Variants in ARHGEF3 observed in about 807,000 individuals in gnomAD.
ARHGEF3 encodes 59.8 kDA protein.
In ARHGEF3, 28 loss-of-function variants were observed where a neutral mutation model predicts 63.2. That is an observed-to-expected ratio of 0.44 (90% confidence interval 0.33 to 0.61). The LOEUF is 0.61. Ranked by LOEUF, ARHGEF3 falls within the 20% of genes least tolerant of loss-of-function variation. The probability of loss-of-function intolerance (pLI) is 0.03; values close to 1 mark genes in which losing one functional copy is unlikely to be tolerated. For synonymous variants in ARHGEF3, 266 were observed against 254.2 expected (o/e 1.05, Z -0.44); for missense variants, 533 against 659.3 (o/e 0.81, Z 2.10).
chr3:56,950,765 C>A (rs199781579), intron 3 of ARHGEF3, among the ~76,000 whole-genome samples: 17,572 of 151,954 alleles, frequency 0.12, 1,302 homozygotes, highest in East Asian at 0.25. Flanking sequence ...TTGACCCAGC[C>A]ATCCCATTAC....
At chr3:56,919,982 A>G (rs887991357) in intron 3 of ARHGEF3, among the ~76,000 whole-genome samples, 1 of 152,212 alleles carries the variant, frequency 6.6e-6, no homozygotes, top group African/African-American at 2.4e-5. Flanking sequence ...AATCTGACAT[A>G]TTAGAGCACA....
intron 4 of ARHGEF3, among the ~76,000 whole-genome samples, chr3:56,870,410 T>C (rs993493113): frequency 6.6e-6 from 1 of 152,142 alleles, no homozygotes; most frequent in African/African-American, 2.4e-5. Context: ...TATGGCATTC[T>C]GAAAAAGGCA....
chr3:56,794,255 A>AG (rs918705917), intron 1 of ARHGEF3, among the ~76,000 whole-genome samples: 8 of 152,154 alleles, frequency 5.3e-5, no homozygotes, highest in African/African-American at 1.7e-4. Context: ...TGGGAGGCCG[A>AG]GGGGGGTGGA....
At chr3:56,743,119 T>A (rs1033683532) in intron 7 of ARHGEF3, among the ~76,000 whole-genome samples, 2 of 152,112 alleles carry the variant, frequency 1.3e-5, no homozygotes, top group South Asian at 2.1e-4. Flanking sequence ...TTCCCAGTAA[T>A]AAAAACAGAC....
At position 56,732,284 on chromosome 3, in the gene ARHGEF3, C is replaced by G. The variant is rs766580490; in HGVS notation, c.1182G>C (p.Val394=). ...LLLEDLQDGE[V]RLGGSLRGAF... ...CCCCTCGCAGGGAGCCACCCAGCCT[C>G]ACTTCTCCATCCTGGAGGTCTTCCA... Residue 394 remains valine, a synonymous_variant, in exon 9 of 10, where the codon GTG becomes GTC. Coordinates refer to ENST00000296315, the MANE Select transcript of ARHGEF3 (RefSeq NM_019555.3). The G allele has an allele frequency of 1.2e-6, 2 of 1,614,056 alleles. No individual in the cohort carries two copies. Among genetic ancestry groups the G allele is most frequent in the East Asian group, 4.5e-5 (2 of 44,880 alleles).
intron 1 of ARHGEF3, chr3:57,078,937 A>C: frequency 1.0e-5 from 3 of 291,848 alleles, no homozygotes; most frequent in East Asian, 5.4e-5. Context: ...AGCGACGGCT[A>C]GTCGAGGCTG....
At chr3:56,739,789 T>C (rs1312394692) in intron 7 of ARHGEF3, among the ~76,000 whole-genome samples, 1 of 152,230 alleles carries the variant, frequency 6.6e-6, no homozygotes, top group Non-Finnish European at 1.5e-5. Flanking sequence ...ACTTTTGTAC[T>C]TCCACACAAG....
rs1181900771 is a variant in ARHGEF3 at position 57,008,105 on chromosome 3, C to G, written c.62+26983G>C. ...GCTGAGATCTCCAAAATATATTAAC[C>G]GTGTAGATCCTTGGGCAGAAAATTC... is the stretch of plus-strand genomic sequence containing the variant. On this transcript the variant is annotated intron_variant, in intron 2 of 12. Transcript: ENST00000338458. 2.6e-5 allele frequency among the ~76,000 whole-genome samples: 4 copies of G among 152,210 alleles called. No individual in the cohort carries two copies. The South Asian group carries it at 6.2e-4, about 24-fold the overall frequency.
intron 2 of ARHGEF3, among the ~76,000 whole-genome samples, chr3:56,763,688 G>A (rs1170524962): frequency 1.3e-5 from 2 of 152,036 alleles, no homozygotes; most frequent in Non-Finnish European, 2.9e-5. Context: ...TGGGACTACG[G>A]ATAATTTTTG....
chr3:56,916,191 T>C, intron 3 of ARHGEF3: 2 of 1,332,112 alleles, frequency 1.5e-6, no homozygotes, highest in Non-Finnish European at 2.0e-6. Flanking sequence ...CTGATCAGTT[T>C]CTTGGAAGGT....
At chr3:56,864,872 A>C (rs1329927870) in intron 4 of ARHGEF3, among the ~76,000 whole-genome samples, 1 of 152,132 alleles carries the variant, frequency 6.6e-6, no homozygotes, top group Non-Finnish European at 1.5e-5. Context: ...AAAATTTCAA[A>C]GTTTACTCAG....
chr3:56,948,014 G>T (rs1699605798), intron 3 of ARHGEF3, among the ~76,000 whole-genome samples: 1 of 152,126 alleles, frequency 6.6e-6, no homozygotes, highest in African/African-American at 2.4e-5. Flanking sequence ...TGAACAACCT[G>T]CTCCTGAATG....
chr3:56,915,679 A>C (rs9828029), intron 3 of ARHGEF3, among the ~76,000 whole-genome samples: 141,640 of 152,148 alleles, frequency 0.93, 66,327 homozygotes, highest in Non-Finnish European at 0.99. Flanking sequence ...GAATGGTATC[A>C]AGTCTGAGTC....
chr3:56,772,188 G>C (rs1274986720), intron 2 of ARHGEF3, among the ~76,000 whole-genome samples: 1 of 152,134 alleles, frequency 6.6e-6, no homozygotes, highest in Non-Finnish European at 1.5e-5. Context: ...AGCTAATTAC[G>C]TGAGGTATTC....
intron 2 of ARHGEF3, among the ~76,000 whole-genome samples, chr3:57,004,223 A>G (rs1702378370): frequency 6.6e-6 from 1 of 152,216 alleles, no homozygotes; most frequent in Non-Finnish European, 1.5e-5. Flanking sequence ...GTCAGCCACA[A>G]CTGGTTACAA....
chr3:56,870,363 C>T (rs1259459231), intron 4 of ARHGEF3, among the ~76,000 whole-genome samples: 1 of 152,030 alleles, frequency 6.6e-6, no homozygotes, highest in Non-Finnish European at 1.5e-5. Flanking sequence ...TGAAAGAAGT[C>T]AATCTGAAAA....
At chr3:57,048,385 T>A (rs1704544990) in intron 1 of ARHGEF3, among the ~76,000 whole-genome samples, 1 of 152,166 alleles carries the variant, frequency 6.6e-6, no homozygotes, top group African/African-American at 2.4e-5. Context: ...AGGCACTTCT[T>A]CCAGCACGAT....
At chr3:56,793,339 T>C (rs907277862) in intron 1 of ARHGEF3, among the ~76,000 whole-genome samples, 1 of 152,186 alleles carries the variant, frequency 6.6e-6, no homozygotes, top group Non-Finnish European at 1.5e-5. Context: ...CCGGCTAATT[T>C]TTTGTATTTT....
intron 3 of ARHGEF3, among the ~76,000 whole-genome samples, chr3:56,918,948 C>CT (rs1170580892): frequency 6.6e-6 from 1 of 152,098 alleles, no homozygotes; most frequent in East Asian, 1.9e-4. Flanking sequence ...AAAGGCCCTA[C>CT]TTTTTTTTCT....
Sources: allele counts gnomAD v4.1 joint callset (sites outside exome capture counted in the v4.1 genomes callset), GRCh38; gene constraint gnomAD v4.1.1; transcripts MANE v1.5; gene names NCBI Gene and HGNC (gene_info 2026-07-23, HGNC 2026-07-21).